Variants in HCRTR2 observed in about 807,000 individuals in gnomAD.
HCRTR2 encodes the protein orexin receptor type 2.
In HCRTR2, 22 loss-of-function variants were observed where a neutral mutation model predicts 49.0. The ratio of observed to expected loss-of-function variants is 0.45; its 90% CI spans 0.32 to 0.64. The LOEUF (loss-of-function observed/expected upper bound fraction) is 0.64, where lower values mean the gene tolerates loss of function less well. HCRTR2 is among the 30% of genes least tolerant of loss of function. The pLI, the probability that HCRTR2 is intolerant of heterozygous loss-of-function variation, is 0.04. For synonymous variants in HCRTR2, 236 were observed against 205.3 expected (o/e 1.15, Z -1.28); for missense variants, 491 against 559.4 (o/e 0.88, Z 1.23).
At chr6:55,257,912 T>C (rs1221141726) in intron 3 of HCRTR2, among the ~76,000 whole-genome samples, 1 of 152,000 alleles carries the variant, frequency 6.6e-6, no homozygotes, top group East Asian at 1.9e-4. Flanking sequence ...TATACAGTCA[T>C]TTAAATATTA....
chr6:55,215,436 G>C (rs2127293635), intron 1 of HCRTR2, among the ~76,000 whole-genome samples: 1 of 152,220 alleles, frequency 6.6e-6, no homozygotes, highest in Non-Finnish European at 1.5e-5. Context: ...AAATGAAGTT[G>C]TTCAAGTTGA....
intron 1 of HCRTR2, among the ~76,000 whole-genome samples, chr6:55,152,249 T>G (rs1764673653): frequency 6.6e-6 from 1 of 151,972 alleles, no homozygotes; most frequent in Non-Finnish European, 1.5e-5. Flanking sequence ...ATCTTTTGTG[T>G]TTTTTTAATA....
intron 1 of HCRTR2, among the ~76,000 whole-genome samples, chr6:55,113,238 G>A (rs1461469780): frequency 6.6e-6 from 1 of 151,862 alleles, no homozygotes; most frequent in Non-Finnish European, 1.5e-5. Flanking sequence ...TCATGACCAA[G>A]AACCCCAAAG....
intron 1 of HCRTR2, among the ~76,000 whole-genome samples, chr6:55,149,832 A>G (rs971766717): frequency 6.6e-6 from 1 of 152,032 alleles, no homozygotes; most frequent in African/African-American, 2.4e-5. Flanking sequence ...AACAAGACAA[A>G]TGTACTTGGC....
chr6:55,257,234 C>T (rs1393320709), intron 3 of HCRTR2, among the ~76,000 whole-genome samples: 1 of 152,004 alleles, frequency 6.6e-6, no homozygotes, highest in Non-Finnish European at 1.5e-5. Flanking sequence ...TCCTTTTACA[C>T]TGGTTTATAT....
intron 1 of HCRTR2, among the ~76,000 whole-genome samples, chr6:55,157,656 C>T (rs1764748434): frequency 6.6e-6 from 1 of 152,222 alleles, no homozygotes; most frequent in African/African-American, 2.4e-5. Context: ...TGTGTCACCC[C>T]TCCTTAAGTT....
chr6:55,284,669 TA>T (rs35242129), downstream of HCRTR2, among the ~76,000 whole-genome samples: 7,499 of 148,602 alleles, frequency 0.05, 260 homozygotes, highest in Middle Eastern at 0.11. Flanking sequence ...GTCATCTTAT[TA>T]AAAAAAAAAC....
At chr6:55,119,095 T>C (rs1272485905) in intron 1 of HCRTR2, among the ~76,000 whole-genome samples, 1 of 152,108 alleles carries the variant, frequency 6.6e-6, no homozygotes, top group Non-Finnish European at 1.5e-5. Flanking sequence ...GCTTCATCCA[T>C]GTCCCTGTAA....
At chr6:55,261,436 G>A (rs917695717) in intron 3 of HCRTR2, among the ~76,000 whole-genome samples, 8 of 151,080 alleles carry the variant, frequency 5.3e-5, no homozygotes, top group East Asian at 1.9e-4. Context: ...ATGGAGCCTC[G>A]CACTGTCGCC....
At chr6:55,239,766 C>T (rs1016685622) in intron 1 of HCRTR2, among the ~76,000 whole-genome samples, 11 of 148,280 alleles carry the variant, frequency 7.4e-5, no homozygotes, top group African/African-American at 2.7e-4. Flanking sequence ...TGTGCATAGG[C>T]GGTAAATTTT....
chr6:55,284,164 G>T (rs1050161839), downstream of HCRTR2, among the ~76,000 whole-genome samples: 3 of 152,048 alleles, frequency 2.0e-5, no homozygotes, highest in African/African-American at 7.2e-5. Context: ...CTCAGAGGAA[G>T]AGTAAATTCC....
intron 1 of HCRTR2, among the ~76,000 whole-genome samples, chr6:55,167,901 C>T (rs937812533): frequency 3.3e-5 from 5 of 152,132 alleles, no homozygotes; most frequent in African/African-American, 9.7e-5. Context: ...TAAAATAGCA[C>T]ACCCTACATA....
chr6:55,171,171 T>C (rs1581805926), upstream of HCRTR2, among the ~76,000 whole-genome samples: 1 of 152,192 alleles, frequency 6.6e-6, no homozygotes, highest in East Asian at 1.9e-4. Flanking sequence ...TCTTCCACAA[T>C]GATTGAACTA....
intron 1 of HCRTR2, among the ~76,000 whole-genome samples, chr6:55,160,807 C>T (rs1764794779): frequency 6.6e-6 from 1 of 152,054 alleles, no homozygotes; most frequent in African/African-American, 2.4e-5. Context: ...TATATGCACC[C>T]AATTCAGGAG....
At chr6:55,178,191 A>C (rs1765072807) in intron 1 of HCRTR2, among the ~76,000 whole-genome samples, 1 of 152,082 alleles carries the variant, frequency 6.6e-6, no homozygotes, top group African/African-American at 2.4e-5. Flanking sequence ...TTGTAGGGAG[A>C]AATGTGTTCT....
chr6:55,280,395 T>C lies in HCRTR2; in HGVS notation c.1056T>C (p.Leu352=). ...CCTGGTTTACCTTTTCACACTGGCT[T>C]GTATATGCCAATAGTGCTGCGAATC... ...VYAWFTFSHW[L]VYANSAANPI... is the part of the protein sequence containing the mutation. The change falls in exon 6 of 7, where the codon CTT becomes CTC. Residue 352 remains leucine, a synonymous_variant. Coordinates refer to ENST00000370862, the MANE Select transcript of HCRTR2 (RefSeq NM_001384272.1). 1.9e-6 allele frequency: 3 copies of C among 1,613,082 alleles called. No individual in the cohort carries two copies. Among genetic ancestry groups the C allele is most frequent in the Non-Finnish European group, 2.5e-6 (3 of 1,179,098 alleles).
At chr6:55,109,108 C>G (rs1764014404) in intron 1 of HCRTR2, among the ~76,000 whole-genome samples, 1 of 152,166 alleles carries the variant, frequency 6.6e-6, no homozygotes, top group African/African-American at 2.4e-5. Context: ...AGCCCAGAGC[C>G]TGGTAGCTCC....
At chr6:55,223,116 A>G (rs1396096296) in intron 1 of HCRTR2, among the ~76,000 whole-genome samples, 3 of 152,110 alleles carry the variant, frequency 2.0e-5, no homozygotes, top group Non-Finnish European at 2.9e-5. Flanking sequence ...TTTTTGTTCT[A>G]ATGATCCATT....
upstream of HCRTR2, among the ~76,000 whole-genome samples, chr6:55,173,986 T>G (rs115424475): frequency 2.6e-3 from 390 of 152,270 alleles, 3 homozygotes; most frequent in African/African-American, 9.1e-3. Context: ...CCTTATTGCT[T>G]TTATATTTGC....
Sources: gnomAD v4.1 joint callset for allele counts (sites outside exome capture counted in the v4.1 genomes callset) on GRCh38, gnomAD v4.1.1 for gene constraint, MANE v1.5 for transcripts, NCBI Gene and HGNC (gene_info 2026-07-23, HGNC 2026-07-21) for gene names.